PCSK5: variants seen among roughly 807,000 people sequenced by gnomAD.
The protein encoded by PCSK5 is proprotein convertase subtilisin/kexin type 5.
Under a neutral mutation model 233.2 loss-of-function variants are expected in PCSK5, and 129 were observed. That is an observed-to-expected ratio of 0.55 (90% CI 0.48 to 0.64). The LOEUF (loss-of-function observed/expected upper bound fraction) is 0.64. PCSK5 is among the 30% of genes least tolerant of loss of function. The pLI is 0.00. For synonymous variants in PCSK5, 825 were observed against 879.2 expected (o/e 0.94, Z 1.09); for missense variants, 2,076 against 2,430.1 (o/e 0.85, Z 3.06).
chr9:75,907,342 C>G (rs1335596772), intron 1 of PCSK5, among the ~76,000 whole-genome samples: 1 of 151,978 alleles, frequency 6.6e-6, no homozygotes, highest in East Asian at 1.9e-4. Context: ...AATGTGAACA[C>G]TGGAGAAAAA....
chr9:76,007,047 A>T (rs1827508240), intron 3 of PCSK5, among the ~76,000 whole-genome samples: 1 of 152,074 alleles, frequency 6.6e-6, no homozygotes, highest in Non-Finnish European at 1.5e-5. Context: ...TCCCATATTT[A>T]TGCCTTTCTT....
intron 1 of PCSK5, among the ~76,000 whole-genome samples, chr9:75,901,844 G>C (rs1826049408): frequency 6.6e-6 from 1 of 152,094 alleles, no homozygotes; most frequent in Admixed American, 6.5e-5. Context: ...TTAAATGAGT[G>C]AGTGAAAAAA....
chr9:76,210,820 A>G (rs1448230618), intron 20 of PCSK5, among the ~76,000 whole-genome samples: 1 of 152,196 alleles, frequency 6.6e-6, no homozygotes, highest in Admixed American at 6.5e-5. Context: ...GCTAAAAGAC[A>G]TGGGCTGGTG....
intron 9 of PCSK5, among the ~76,000 whole-genome samples, chr9:76,130,754 A>T (rs10869705): frequency 0.19 from 28,317 of 152,064 alleles, 2,890 homozygotes; most frequent in East Asian, 0.35. Flanking sequence ...AGGTGTTTAT[A>T]AATGTGACTC....
chr9:76,334,023 G>A (rs1219566932), intron 34 of PCSK5, among the ~76,000 whole-genome samples: 1 of 152,154 alleles, frequency 6.6e-6, no homozygotes, highest in Non-Finnish European at 1.5e-5. Flanking sequence ...CATGTGGATG[G>A]GGAGGCCTCA....
At chr9:76,230,537 A>G (rs1174157438) in intron 21 of PCSK5, among the ~76,000 whole-genome samples, 2 of 152,176 alleles carry the variant, frequency 1.3e-5, no homozygotes, top group South Asian at 2.1e-4. Flanking sequence ...GGGGTCCCCA[A>G]ACTCCAGGCC....
intron 21 of PCSK5, among the ~76,000 whole-genome samples, chr9:76,227,994 G>C (rs1016327242): frequency 6.7e-6 from 1 of 148,346 alleles, no homozygotes; most frequent in Non-Finnish European, 1.5e-5. Context: ...TTTTGAGACA[G>C]AGTCTTGCTC....
intron 12 of PCSK5, among the ~76,000 whole-genome samples, chr9:76,167,437 T>G (rs1823131885): frequency 6.6e-6 from 1 of 152,224 alleles, no homozygotes; most frequent in Non-Finnish European, 1.5e-5. Flanking sequence ...GACCTGAGAA[T>G]GCTGCCTAAT....
rs188317214 is a variant in PCSK5, at chr9:76,172,943, T to A, written c.1757-2043T>A. Among the ~76,000 whole-genome samples, 389 of 152,328 alleles carry A rather than the reference T, an allele frequency of 2.6e-3. 1 individual carries two copies. Among genetic ancestry groups the A allele is most frequent in the Admixed American group, 6.0e-3 (92 of 15,308 alleles). On this transcript the variant is annotated intron_variant, in intron 13 of 37. Coordinates refer to ENST00000674117, the MANE Select transcript of PCSK5 (RefSeq NM_001372043.1). ...AATGTAAAAGTCAGAAAAAAATGCA[T>A]GCATCACAGAATGTGTTCATTTTTA... is the stretch of plus-strand genomic sequence containing the variant.
rs1470221111 is a variant in PCSK5, at chr9:76,052,602, A to G, written c.633-15353A>G. ...ACGATGCGTGGGGATTATGGCAGCTACAATTCAAGATGAGATTTGGGTGGG... is the reference window on the plus strand; with the variant it reads ...ACGATGCGTGGGGATTATGGCAGCTGCAATTCAAGATGAGATTTGGGTGGG... On this transcript the variant is annotated intron_variant, in intron 5 of 37. Transcript: ENST00000674117. Among the ~76,000 whole-genome samples, 4 of 152,316 alleles carry G rather than the reference A, an allele frequency of 2.6e-5. No homozygotes were observed. In the East Asian group the frequency reaches 7.7e-4, roughly 29 times the overall value.
At chr9:76,106,056 A>G (rs907724904) in intron 8 of PCSK5, among the ~76,000 whole-genome samples, 2 of 152,132 alleles carry the variant, frequency 1.3e-5, no homozygotes, top group Non-Finnish European at 2.9e-5. Context: ...AATTTAACTA[A>G]TTTTCACACT....
chr9:76,279,230 T>A (rs1270878741), intron 24 of PCSK5, among the ~76,000 whole-genome samples: 23 of 150,878 alleles, frequency 1.5e-4, no homozygotes, highest in African/African-American at 4.7e-4. Context: ...TGTCCCTACA[T>A]AGGACATGAA....
rs952567721 is a variant in PCSK5 at position 76,116,609 on chromosome 9, A to G, written c.1208+9258A>G. 2.0e-4 allele frequency among the ~76,000 whole-genome samples: 30 copies of G among 152,252 alleles called. 1 individual carries two copies. Among genetic ancestry groups the G allele is most frequent in the Admixed American group, 1.6e-3 (25 of 15,276 alleles). On this transcript the variant is annotated intron_variant, in intron 9 of 37. Coordinates refer to ENST00000674117, the MANE Select transcript of PCSK5 (RefSeq NM_001372043.1). Reference sequence around the variant, plus strand: ...AAATTAAGAGATAAAATGGTGGAAAAAAACGGCAGTCAGCCTTCAATGAAT... The same window carrying G: ...AAATTAAGAGATAAAATGGTGGAAAGAAACGGCAGTCAGCCTTCAATGAAT...
chr9:76,314,926 C>T (rs1393792406), intron 30 of PCSK5, among the ~76,000 whole-genome samples: 4 of 151,676 alleles, frequency 2.6e-5, no homozygotes, highest in African/African-American at 4.8e-5. Flanking sequence ...AGGCATGAGC[C>T]GCCACGCTAG....
chr9:76,233,891 T>C (rs1826174718), intron 22 of PCSK5, among the ~76,000 whole-genome samples: 1 of 152,062 alleles, frequency 6.6e-6, no homozygotes, highest in Admixed American at 6.6e-5. Flanking sequence ...AGACATGAGA[T>C]AGACAGTGAA....
intron 20 of PCSK5, among the ~76,000 whole-genome samples, chr9:76,202,891 A>T (rs879660423): frequency 6.6e-6 from 1 of 152,226 alleles, no homozygotes; most frequent in Non-Finnish European, 1.5e-5. Flanking sequence ...TAAATGCCTT[A>T]TATGTCGTGA....
intron 24 of PCSK5, among the ~76,000 whole-genome samples, chr9:76,257,181 C>A (rs1827009681): frequency 6.6e-6 from 1 of 152,170 alleles, no homozygotes; most frequent in South Asian, 2.1e-4. Flanking sequence ...CTATCTGTGA[C>A]TTCTGTGCCT....
In PCSK5 at chr9:76,342,382, C is replaced by CT. The variant is rs969183906; in HGVS notation, c.4966+3944dup. 1.5e-4 allele frequency among the ~76,000 whole-genome samples: 22 copies of CT among 151,660 alleles called. No individual in the cohort carries two copies. In the South Asian group the frequency reaches 2.1e-3, roughly 14 times the overall value. On this transcript the variant is annotated intron_variant, in intron 35 of 37. Coordinates refer to ENST00000674117, the MANE Select transcript of PCSK5 (RefSeq NM_001372043.1). ...CCTGTTAGAGCCTGCCTCTAATCCTCTTTTTTTTTCCCCTTCCAAAATGAT... is the reference window on the plus strand; with the variant it reads ...CCTGTTAGAGCCTGCCTCTAATCCTCTTTTTTTTTTCCCCTTCCAAAATGAT...
At chr9:75,953,373 T>C (rs1824951708) in intron 2 of PCSK5, among the ~76,000 whole-genome samples, 2 of 152,238 alleles carry the variant, frequency 1.3e-5, no homozygotes, top group African/African-American at 2.4e-5. Context: ...AATATTTTAT[T>C]GTGTTGCTAT....
Sources: gnomAD v4.1 joint callset for allele counts (sites outside exome capture counted in the v4.1 genomes callset) on GRCh38, gnomAD v4.1.1 for gene constraint, MANE v1.5 for transcripts, NCBI Gene and HGNC (gene_info 2026-07-23, HGNC 2026-07-21) for gene names.